WWOX: variants seen among roughly 807,000 people sequenced by gnomAD.
The protein encoded by WWOX is WW domain-containing oxidoreductase.
In WWOX, 69 loss-of-function variants were observed where a neutral mutation model predicts 46.2. The ratio of observed to expected loss-of-function variants is 1.49; its 90% CI spans 1.23 to 1.82. The LOEUF is 1.82. Among genes scored for constraint, WWOX ranks in the 40% most tolerant of loss-of-function variants. The pLI, the probability that WWOX is intolerant of heterozygous loss-of-function variation, is 0.00. For missense variants in WWOX, 919 were observed against 542.6 expected (o/e 1.69, Z -6.89); for synonymous variants, 359 against 202.6 (o/e 1.77, Z -6.56).
chr16:78,226,432 C>T (rs1341424391), intron 5 of WWOX, among the ~76,000 whole-genome samples: 1 of 148,920 alleles, frequency 6.7e-6, no homozygotes, highest in Non-Finnish European at 1.5e-5. Flanking sequence ...AGAAAGAAGA[C>T]CCTTCTTTCC....
intron 5 of WWOX, among the ~76,000 whole-genome samples, chr16:78,350,634 A>G (rs2044602485): frequency 8.2e-6 from 1 of 121,562 alleles, no homozygotes; most frequent in Non-Finnish European, 2.0e-5. Flanking sequence ...ATGTATCAGT[A>G]CTTCTTTTTT....
chr16:78,829,079 A>G (rs568450605), intron 8 of WWOX, among the ~76,000 whole-genome samples: 1 of 145,852 alleles, frequency 6.9e-6, no homozygotes, highest in African/African-American at 2.6e-5. Context: ...GTCAGGGTCC[A>G]TCTGGAAGAT....
rs150946550 is a variant in WWOX, at chr16:78,720,344, G to A, written c.1056+287592G>A. On this transcript the variant is annotated intron_variant, in intron 8 of 8. Transcript: ENST00000566780. ...TATTTTTCTTTCTTTTCACAAGAAA[G>A]AATTATTTTTCTTTCTTTTCACAAG... 6.9e-3 allele frequency among the ~76,000 whole-genome samples: 1,046 copies of A among 152,090 alleles called. 7 individuals carry two copies. The highest frequency in any genetic ancestry group is 9.9e-3 in the Non-Finnish European group (670 of 67,968).
intron 8 of WWOX, among the ~76,000 whole-genome samples, chr16:78,807,817 T>A (rs184349246): frequency 1.3e-5 from 2 of 152,230 alleles, no homozygotes; most frequent in Non-Finnish European, 2.9e-5. Context: ...TAAACTGAAA[T>A]GAATTAAAGT....
intron 8 of WWOX, among the ~76,000 whole-genome samples, chr16:78,951,839 G>A (rs2046066497): frequency 6.6e-6 from 1 of 152,160 alleles, no homozygotes; most frequent in Non-Finnish European, 1.5e-5. Context: ...GGCAGTTCCT[G>A]GCACCAGCAT....
chr16:78,889,372 A>G (rs1351771632), intron 8 of WWOX, among the ~76,000 whole-genome samples: 2 of 109,734 alleles, frequency 1.8e-5, no homozygotes, highest in East Asian at 3.2e-4. Context: ...GATTTATACT[A>G]TGGATCAGCA....
chr16:79,061,562 GA>G (rs2048358050), intron 8 of WWOX, among the ~76,000 whole-genome samples: 1 of 152,206 alleles, frequency 6.6e-6, no homozygotes, highest in Admixed American at 6.5e-5. Flanking sequence ...AGTTTATTTA[GA>G]AAGTAACACT....
At chr16:78,747,819 C>G (rs148621717) in intron 8 of WWOX, among the ~76,000 whole-genome samples, 15 of 152,332 alleles carry the variant, frequency 9.8e-5, no homozygotes, top group Non-Finnish European at 1.3e-4. Context: ...AGTCCTACCT[C>G]TGTCTCCAAG....
At chr16:78,237,208 G>A (rs1347561861) in intron 5 of WWOX, among the ~76,000 whole-genome samples, 2 of 152,066 alleles carry the variant, frequency 1.3e-5, no homozygotes, top group African/African-American at 4.8e-5. Context: ...ATGTCATTCA[G>A]ATTAATGATG....
At chr16:79,067,649 C>T (rs1346508270) in intron 8 of WWOX, among the ~76,000 whole-genome samples, 1 of 151,458 alleles carries the variant, frequency 6.6e-6, no homozygotes, top group Non-Finnish European at 1.5e-5. Flanking sequence ...GGGGGGGGCA[C>T]TTATCACCAC....
At chr16:78,607,515 A>T (rs1312064684) in intron 8 of WWOX, among the ~76,000 whole-genome samples, 1 of 152,240 alleles carries the variant, frequency 6.6e-6, no homozygotes, top group Non-Finnish European at 1.5e-5. Flanking sequence ...GTAATTTAGC[A>T]AAGTCTTACA....
At chr16:78,162,792 T>A (rs1567606747) in intron 4 of WWOX, among the ~76,000 whole-genome samples, 1 of 152,190 alleles carries the variant, frequency 6.6e-6, no homozygotes, top group African/African-American at 2.4e-5. Context: ...TTTATTGTGT[T>A]ATTTTTTTCT....
At chr16:78,938,866 C>T (rs1230419233) in intron 8 of WWOX, among the ~76,000 whole-genome samples, 1 of 152,100 alleles carries the variant, frequency 6.6e-6, no homozygotes, top group African/African-American at 2.4e-5. Flanking sequence ...AAACTGAAGG[C>T]TGAGCTGCCA....
chr16:78,611,884 C>A (rs1481138841), intron 8 of WWOX, among the ~76,000 whole-genome samples: 1 of 152,202 alleles, frequency 6.6e-6, no homozygotes, highest in African/African-American at 2.4e-5. Flanking sequence ...TTGCTTCTCT[C>A]ATTCCATTGG....
intron 5 of WWOX, among the ~76,000 whole-genome samples, chr16:78,373,664 C>T (rs1249277388): frequency 6.6e-6 from 1 of 151,394 alleles, no homozygotes; most frequent in Admixed American, 6.6e-5. Context: ...GTCTTGGTTT[C>T]TGCCTTTCAA....
chr16:78,777,819 G>C (rs1389221708), intron 8 of WWOX, among the ~76,000 whole-genome samples: 1 of 152,056 alleles, frequency 6.6e-6, no homozygotes, highest in Non-Finnish European at 1.5e-5. Flanking sequence ...GGCCGGGGCA[G>C]GCAGATCATG....
intron 8 of WWOX, among the ~76,000 whole-genome samples, chr16:78,862,194 C>G (rs976355651): frequency 1.3e-5 from 2 of 151,538 alleles, no homozygotes; most frequent in South Asian, 4.2e-4. Flanking sequence ...GTGTGTCTGT[C>G]TGTATCTTTA....
At chr16:78,453,477 A>G (rs532008765) in intron 8 of WWOX, among the ~76,000 whole-genome samples, 1 of 152,290 alleles carries the variant, frequency 6.6e-6, no homozygotes, top group African/African-American at 2.4e-5. Flanking sequence ...TATAAAGACA[A>G]CATGAGCTAG....
At chr16:78,485,100 A>T in intron 8 of WWOX, among the ~76,000 whole-genome samples, 1 of 152,146 alleles carries the variant, frequency 6.6e-6, no homozygotes, top group South Asian at 2.1e-4. Context: ...GCCGGAAAGG[A>T]AACAGTTCAT....
Sources: gnomAD v4.1 joint callset for allele counts (sites outside exome capture counted in the v4.1 genomes callset) on GRCh38, gnomAD v4.1.1 for gene constraint, MANE v1.5 for transcripts, NCBI Gene and HGNC (gene_info 2026-07-23, HGNC 2026-07-21) for gene names.